Variants in TENM2 observed in about 807,000 individuals in gnomAD.
The protein encoded by TENM2 is teneurin transmembrane protein 2.
Under a neutral mutation model 245.2 loss-of-function variants are expected in TENM2, and 52 were observed. The observed-to-expected ratio is 0.21, with a 90% CI of 0.17 to 0.27. The LOEUF (loss-of-function observed/expected upper bound fraction) is 0.27. TENM2 is among the 10% of genes least tolerant of loss of function. The pLI is 1.00. For missense variants in TENM2, 3,046 were observed against 3,666.8 expected (o/e 0.83, Z 4.37); for synonymous variants, 1,363 against 1,438.9 (o/e 0.95, Z 1.19).
chr5:167,405,858 C>T (rs1762612542), intron 2 of TENM2, among the ~76,000 whole-genome samples: 1 of 151,588 alleles, frequency 6.6e-6, no homozygotes, highest in Admixed American at 6.6e-5. Flanking sequence ...CATTTCATAG[C>T]ATTATCTGTT....
chr5:167,270,680 G>A, the TENM2 span, among the ~76,000 whole-genome samples: 2 of 152,130 alleles, frequency 1.3e-5, no homozygotes, highest in Non-Finnish European at 2.9e-5. Flanking sequence ...GCATTGGATT[G>A]AAGGAACTAG....
In TENM2 at chr5:168,253,429, A is replaced by ATT. The variant is rs752953865; in HGVS notation, c.7432+5071_7432+5072dup. On this transcript the variant is annotated intron_variant, in intron 27 of 28. Transcript: ENST00000518659. Reference sequence around the variant, plus strand: ...AGCTAATAAATGCATTCATTATTTTATTTTTTTTTTTTTTGAGACAGAGTC... The same window carrying ATT: ...AGCTAATAAATGCATTCATTATTTTATTTTTTTTTTTTTTTTGAGACAGAGTC... Among the ~76,000 whole-genome samples the ATT allele has an allele frequency of 5.0e-3, 659 of 131,618 alleles. 8 individuals are homozygous for ATT. The highest frequency in any genetic ancestry group is 0.018 in the African/African-American group (620 of 34,464). The allele number at this position is 131,618 out of a possible 152,430, so 86.3% of individuals were successfully genotyped here.
At chr5:167,958,643 C>T (rs111500591) in intron 4 of TENM2, among the ~76,000 whole-genome samples, 2,084 of 152,156 alleles carry the variant, frequency 0.014, 54 homozygotes, top group African/African-American at 0.048. Context: ...TGTTTAGTGC[C>T]TCCTTCAGGA....
intron 4 of TENM2, among the ~76,000 whole-genome samples, chr5:167,982,730 A>C (rs1782936959): frequency 6.6e-6 from 1 of 152,194 alleles, no homozygotes; most frequent in Admixed American, 6.5e-5. Flanking sequence ...TTCCTTCAGC[A>C]GACTTTTTGA....
At chr5:167,570,469 G>T (rs1293383771) in intron 2 of TENM2, among the ~76,000 whole-genome samples, 1 of 152,094 alleles carries the variant, frequency 6.6e-6, no homozygotes, top group African/African-American at 2.4e-5. Flanking sequence ...AATGAACAAG[G>T]CACTAATAGA....
chr5:167,402,603 C>G (rs990567049), intron 2 of TENM2, among the ~76,000 whole-genome samples: 1 of 150,778 alleles, frequency 6.6e-6, no homozygotes, highest in Admixed American at 6.6e-5. Flanking sequence ...AGTGTAGATT[C>G]TCTCTTTCTC....
chr5:166,983,891 A>G, the TENM2 span, among the ~76,000 whole-genome samples: 6 of 152,096 alleles, frequency 3.9e-5, no homozygotes, highest in African/African-American at 1.2e-4. Context: ...TAGTTCTGCT[A>G]CAGGTTTTTG....
intron 2 of TENM2, among the ~76,000 whole-genome samples, chr5:167,867,637 AAACTT>A (rs1340177280): frequency 6.6e-6 from 1 of 152,248 alleles, no homozygotes; most frequent in East Asian, 1.9e-4. Context: ...GTAAAAATAA[AAACTT>A]AAAGCGAGAT....
chr5:167,990,764 T>C (rs985152432), intron 4 of TENM2, among the ~76,000 whole-genome samples: 3 of 152,234 alleles, frequency 2.0e-5, no homozygotes, highest in African/African-American at 7.2e-5. Context: ...AATTCACTAA[T>C]CAGATACTCA....
the TENM2 span, among the ~76,000 whole-genome samples, chr5:167,172,366 T>C: frequency 0.023 from 3,470 of 152,264 alleles, 119 homozygotes; most frequent in African/African-American, 0.078. Context: ...CTCATTTAAA[T>C]CTCCAACAAT....
chr5:167,562,788 C>T (rs1401567574), intron 2 of TENM2, among the ~76,000 whole-genome samples: 1 of 151,952 alleles, frequency 6.6e-6, no homozygotes, highest in Admixed American at 6.6e-5. Flanking sequence ...GAAACCCTGT[C>T]TCTACCAAAA....
rs529064780 is a variant in TENM2 at position 168,218,959 on chromosome 5, G to A, written c.5068G>A (p.Ala1690Thr). The A allele has an allele frequency of 1.5e-5, 24 of 1,613,846 alleles. No individual in the cohort carries two copies. The highest frequency in any genetic ancestry group is 8.9e-5 in the East Asian group (4 of 44,872). ...CTATGATGGCAACACTGGGCTCCTG[G>A]CCACCAAGAGCGATGAAACAGGATG... Residue 1690 changes from alanine (A) to threonine (T), a missense_variant, in exon 23 of 29, where the codon GCC becomes ACC. Ala to Thr is a moderately conservative substitution (Grantham distance 58). Around this residue, in one of 2 missense-constraint regions of TENM2, gnomAD observed 2,704 missense variants for 3,331.9 expected, o/e 0.81. Transcript: ENST00000518659. This position sits in a 1 kb window ranked among gnomAD's most constrained non-coding sequence, Gnocchi z 5.2.
intron 7 of TENM2, among the ~76,000 whole-genome samples, chr5:168,086,954 C>T (rs1258423878): frequency 6.6e-6 from 1 of 152,148 alleles, no homozygotes; most frequent in East Asian, 1.9e-4. Flanking sequence ...CAGAGGCTCC[C>T]CTACACCAGA....
At chr5:168,025,299 T>A (rs1016159349) in intron 5 of TENM2, among the ~76,000 whole-genome samples, 3 of 152,256 alleles carry the variant, frequency 2.0e-5, no homozygotes, top group African/African-American at 7.2e-5. Flanking sequence ...GCATCCATGC[T>A]AATGGCATGA....
intron 12 of TENM2, chr5:168,130,125 A>G (rs966110460): frequency 2.6e-5 from 4 of 152,260 alleles, no homozygotes; most frequent in Admixed American, 6.5e-5. Flanking sequence ...AGATGAGGAC[A>G]CAAGGACAGA....
chr5:167,454,307 A>G (rs1043909341), intron 2 of TENM2, among the ~76,000 whole-genome samples: 4 of 152,194 alleles, frequency 2.6e-5, no homozygotes, highest in Non-Finnish European at 5.9e-5. Flanking sequence ...TTTACTGTTT[A>G]AAATGAGAAG....
chr5:167,947,884 A>G (rs1458943976), intron 3 of TENM2, among the ~76,000 whole-genome samples: 2 of 152,034 alleles, frequency 1.3e-5, no homozygotes, highest in African/African-American at 2.4e-5. Context: ...TCTTTCATAT[A>G]TTTTATCATC....
At chr5:167,046,399 T>C in the TENM2 span, among the ~76,000 whole-genome samples, 1 of 152,214 alleles carries the variant, frequency 6.6e-6, no homozygotes, top group African/African-American at 2.4e-5. Context: ...GTGTCATTTT[T>C]TATATTTAAA....
chr5:167,533,014 C>T (rs1675562785), intron 2 of TENM2, among the ~76,000 whole-genome samples: 1 of 151,988 alleles, frequency 6.6e-6, no homozygotes, highest in African/African-American at 2.4e-5. Context: ...TCAGATCTTC[C>T]TCCTAAATCA....
Sources: gnomAD v4.1 joint callset for allele counts (sites outside exome capture counted in the v4.1 genomes callset) on GRCh38, gnomAD v4.1.1 for gene constraint, gnomAD v4.1.1 regional missense constraint, Gnocchi (gnomAD v3.1) non-coding constraint, MANE v1.5 for transcripts, NCBI Gene and HGNC (gene_info 2026-07-23, HGNC 2026-07-21) for gene names.